RFFL: variants seen among roughly 807,000 people sequenced by gnomAD.
RFFL encodes ring finger and FYVE like domain containing E3 ubiquitin protein ligase, also known as E3 ubiquitin-protein ligase rififylin.
RFFL carries 16 observed loss-of-function variants against 40.4 expected under a neutral mutation model. That is an observed-to-expected ratio of 0.40 (90% confidence interval 0.27 to 0.60). The LOEUF (loss-of-function observed/expected upper bound fraction) is 0.60. RFFL is among the 20% of genes least tolerant of loss of function. RFFL has a pLI of 0.47. For synonymous variants in RFFL, 154 were observed against 167.9 expected (o/e 0.92, Z 0.64); for missense variants, 367 against 451.7 (o/e 0.81, Z 1.70).
chr17:35,035,495 T>C (rs960863143), intron 1 of RFFL, among the ~76,000 whole-genome samples: 1 of 151,370 alleles, frequency 6.6e-6, no homozygotes, highest in African/African-American at 2.4e-5. Context: ...AATATACATA[T>C]GTGGGGAAGG....
intron 1 of RFFL, among the ~76,000 whole-genome samples, chr17:35,061,485 G>A (rs1187120856): frequency 2.0e-5 from 3 of 152,152 alleles, no homozygotes; most frequent in Non-Finnish European, 4.4e-5. Flanking sequence ...TTGGGATGGA[G>A]TCTTCTTCTG....
chr17:35,074,780 T>G (rs375754817), intron 1 of RFFL, among the ~76,000 whole-genome samples: 2 of 152,160 alleles, frequency 1.3e-5, no homozygotes, highest in Admixed American at 1.3e-4. Flanking sequence ...GCAAAAGAAG[T>G]GCTAGTCTTT....
At chr17:35,072,650 A>G (rs930014574) in intron 1 of RFFL, among the ~76,000 whole-genome samples, 2 of 152,060 alleles carry the variant, frequency 1.3e-5, no homozygotes, top group Admixed American at 6.6e-5. Context: ...GTTAAATGAG[A>G]CATAACCAAT....
upstream of RFFL, among the ~76,000 whole-genome samples, chr17:35,064,409 A>C (rs1597838254): frequency 6.6e-6 from 1 of 152,184 alleles, no homozygotes; most frequent in Non-Finnish European, 1.5e-5. Context: ...ACTTGCTCTG[A>C]AAAGAGACAT....
intron 1 of RFFL, among the ~76,000 whole-genome samples, chr17:35,033,534 T>TAAAG (rs935330188): frequency 1.3e-5 from 2 of 150,038 alleles, no homozygotes; most frequent in Non-Finnish European, 2.9e-5. Flanking sequence ...GTCTCAAAAA[T>TAAAG]AAATAAATAA....
intron 1 of RFFL, among the ~76,000 whole-genome samples, chr17:35,055,484 C>T (rs1317751510): frequency 1.3e-5 from 2 of 151,844 alleles, no homozygotes; most frequent in Non-Finnish European, 2.9e-5. Flanking sequence ...ACCAGCCTGG[C>T]CAAAACGGTG....
chr17:35,031,822 G>C (rs895995197), intron 1 of RFFL, among the ~76,000 whole-genome samples: 1 of 151,992 alleles, frequency 6.6e-6, no homozygotes, highest in Non-Finnish European at 1.5e-5. Flanking sequence ...GCAGCTGGGC[G>C]CGGTGGCTCA....
chr17:35,065,850 T>C (rs1232419009), upstream of RFFL, among the ~76,000 whole-genome samples: 3 of 152,236 alleles, frequency 2.0e-5, no homozygotes, highest in African/African-American at 7.2e-5. Flanking sequence ...AGGTACTCGT[T>C]TGAACTAGTG....
intron 2 of RFFL, 61 bp downstream of exon 2, chr17:35,026,313 T>C (rs3926358): frequency 0.61 from 929,882 of 1,534,064 alleles, 285,815 homozygotes; most frequent in African/African-American, 0.87. Context: ...GAGGGGTCAG[T>C]GGCGCTTGCC....
At chr17:35,068,895 C>A (rs1019673158) in intron 1 of RFFL, among the ~76,000 whole-genome samples, 3 of 152,138 alleles carry the variant, frequency 2.0e-5, no homozygotes, top group Admixed American at 6.5e-5. Flanking sequence ...ACCTTGGAAC[C>A]ATTTGATGGG....
intron 1 of RFFL, among the ~76,000 whole-genome samples, chr17:35,027,980 G>A (rs1295017327): frequency 2.7e-5 from 4 of 150,400 alleles, no homozygotes; most frequent in East Asian, 1.9e-4. Context: ...TTGCAGTGAC[G>A]GGAGATCGTG....
intron 1 of RFFL, among the ~76,000 whole-genome samples, chr17:35,041,588 T>C (rs1392314339): frequency 8.0e-6 from 1 of 125,742 alleles, no homozygotes; most frequent in African/African-American, 4.5e-5. Context: ...AACCGAAAGG[T>C]AGTGTGACCT....
chr17:35,035,027 C>T (rs1002314634), intron 1 of RFFL, among the ~76,000 whole-genome samples: 1 of 152,140 alleles, frequency 6.6e-6, no homozygotes, highest in Non-Finnish European at 1.5e-5. Flanking sequence ...TATTTTTATT[C>T]TCTTAACTTT....
intron 1 of RFFL, among the ~76,000 whole-genome samples, chr17:35,048,443 G>A (rs1056835673): frequency 2.0e-5 from 3 of 151,854 alleles, no homozygotes; most frequent in Admixed American, 2.0e-4. Flanking sequence ...TAAAAATTTA[G>A]GTATGCCAAT....
intron 3 of RFFL, 38 bp from the exon 4 acceptor site, chr17:35,017,644 TC>T: frequency 7.3e-7 from 1 of 1,362,838 alleles, no homozygotes; most frequent in Middle Eastern, 1.8e-4. Context: ...TCTAGAGATG[TC>T]CCAGAGATCT....
At chr17:35,037,402 C>A (rs1489033404) in intron 1 of RFFL, among the ~76,000 whole-genome samples, 1 of 152,196 alleles carries the variant, frequency 6.6e-6, no homozygotes, top group Non-Finnish European at 1.5e-5. Context: ...CAATTAAAGA[C>A]AATTGCAATG....
chr17:35,056,389 T>TG (rs2091261575), intron 1 of RFFL, among the ~76,000 whole-genome samples: 1 of 151,032 alleles, frequency 6.6e-6, no homozygotes, highest in African/African-American at 2.4e-5. Flanking sequence ...TTTTTTTTTT[T>TG]TTTTTTGAGA....
chr17:35,012,222 T>TG lies in RFFL; in HGVS notation c.911-74dup, dbSNP rs1597809843. 3.7e-6 allele frequency: 5 copies of TG among 1,337,744 alleles called. No homozygotes were observed. In the East Asian group the frequency reaches 1.2e-4, roughly 32 times the overall value. 82.9% of individuals were successfully genotyped at this position (1,337,744 alleles called of 1,614,324 possible). ...AATGTCTTAAGTGTATAGGGGTGAC[T>TG]GGGGGAGGGAGGTGGGAGATAACAG... On this transcript the variant is annotated intron_variant, in intron 6 of 6. Transcript: ENST00000394597.
chr17:35,023,509 G>A (rs1007566742), intron 2 of RFFL, among the ~76,000 whole-genome samples: 17 of 152,234 alleles, frequency 1.1e-4, no homozygotes, highest in African/African-American at 4.1e-4. Context: ...CATTGTAACG[G>A]TTCTGGGACC....
Sources: allele counts gnomAD v4.1 joint callset (sites outside exome capture counted in the v4.1 genomes callset), GRCh38; gene constraint gnomAD v4.1.1; transcripts MANE v1.5; gene names NCBI Gene and HGNC (gene_info 2026-07-23, HGNC 2026-07-21).